Variants in CSGALNACT1 observed in about 807,000 individuals in gnomAD.
CSGALNACT1 encodes the protein beta4GalNAcT-1.
CSGALNACT1 carries 52 observed loss-of-function variants against 51.0 expected under a neutral mutation model. The observed-to-expected ratio is 1.02, with a 90% CI of 0.82 to 1.29. The LOEUF (loss-of-function observed/expected upper bound fraction) is 1.29. Among genes scored for constraint, CSGALNACT1 ranks in the 50% most tolerant of loss-of-function variants. CSGALNACT1 has a pLI of 0.00. For missense variants in CSGALNACT1, 935 were observed against 679.2 expected (o/e 1.38, Z -4.19); for synonymous variants, 341 against 254.4 (o/e 1.34, Z -3.24).
At chr8:19,505,778 C>T (rs150172244) in exon 4 of CSGALNACT1, 2 of 1,613,878 alleles carry the variant, frequency 1.2e-6, no homozygotes, top group African/African-American at 2.7e-5. Flanking sequence ...AGAGGAGCAC[C>T]AGCAAAACCA....
intron 4 of CSGALNACT1, among the ~76,000 whole-genome samples, chr8:19,486,230 C>G (rs2072900922): frequency 6.6e-6 from 1 of 152,082 alleles, no homozygotes; most frequent in East Asian, 1.9e-4. Context: ...TGGTGACAAG[C>G]CTCAATCACT....
intron 4 of CSGALNACT1, among the ~76,000 whole-genome samples, chr8:19,500,695 T>G (rs944479730): frequency 6.6e-6 from 1 of 152,222 alleles, no homozygotes; most frequent in Non-Finnish European, 1.5e-5. Context: ...GAGGTTGGCA[T>G]TGACTGTACA....
chr8:19,666,877 G>GA, intron 1 of CSGALNACT1, among the ~76,000 whole-genome samples: 1 of 125,858 alleles, frequency 7.9e-6, no homozygotes, highest in East Asian at 2.1e-4. Flanking sequence ...AAGAAAGAAA[G>GA]AAAGAAAGAG....
At position 19,577,224 on chromosome 8, in the gene CSGALNACT1, C is replaced by T. The variant is rs544329892; in HGVS notation, c.-297+13936G>A. Among the ~76,000 whole-genome samples the T allele has an allele frequency of 1.4e-4, 21 of 152,112 alleles. No homozygotes were observed. The South Asian group carries it at 3.1e-3, about 23-fold the overall frequency. On this transcript the variant is annotated intron_variant, in intron 3 of 9. Coordinates refer to ENST00000454498, the Ensembl canonical transcript of CSGALNACT1. ...AGAATTCATAATTTTGTTCTCCACG[C>T]GATACTAGCTCTACTGCTGGGGATG...
At chr8:19,728,569 T>A (rs764176903) in intron 1 of CSGALNACT1, among the ~76,000 whole-genome samples, 4 of 152,116 alleles carry the variant, frequency 2.6e-5, no homozygotes, top group Non-Finnish European at 5.9e-5. Context: ...ACAGACTTGT[T>A]CTAATCTGAG....
intron 3 of CSGALNACT1, chr8:19,587,826 T>A (rs1323712933): frequency 6.6e-6 from 1 of 152,282 alleles, no homozygotes; most frequent in Non-Finnish European, 1.5e-5. Context: ...TTTAAATTCT[T>A]AACACAAGTA....
chr8:19,680,579 C>CCA lies in CSGALNACT1; in HGVS notation c.-544+1893_-544+1894insTG, dbSNP rs71205942. Among the ~76,000 whole-genome samples, 38 of 104,768 alleles carry CCA rather than the reference C, an allele frequency of 3.6e-4. 2 individuals are homozygous for CCA. Among genetic ancestry groups the CCA allele is most frequent in the Non-Finnish European group, 7.7e-4 (36 of 46,864 alleles). The allele number at this position is 104,768 out of a possible 152,430, so 68.7% of individuals were successfully genotyped here. A position where few individuals can be genotyped will look rare whatever the true frequency, so the allele number is the denominator to read the frequency against. On this transcript the variant is annotated intron_variant, in intron 1 of 9. Transcript: ENST00000332246. ...CCCTCGCCCCACCCCCCCCCCCCCC[C>CCA]ACAAAAAAAGAGAATAGTGCAAATT...
At chr8:19,418,590 G>C (rs919924412) in intron 8 of CSGALNACT1, 66 bp downstream of exon 7, 1 of 1,047,580 alleles carries the variant, frequency 9.5e-7, no homozygotes, top group African/African-American at 1.6e-5. Context: ...CTCATGGTCA[G>C]GTACCCCTGG....
At chr8:19,502,588 C>T (rs1032800273) in intron 4 of CSGALNACT1, among the ~76,000 whole-genome samples, 2 of 152,196 alleles carry the variant, frequency 1.3e-5, no homozygotes, top group Non-Finnish European at 1.5e-5. Context: ...GTGGAGAACT[C>T]CTGTTTCTAA....
chr8:19,502,843 C>T (rs1465399137), intron 4 of CSGALNACT1, among the ~76,000 whole-genome samples: 3 of 152,106 alleles, frequency 2.0e-5, no homozygotes, highest in Admixed American at 2.0e-4. Context: ...TGAAAAGGTC[C>T]CCAAATGTAA....
At chr8:19,500,278 T>C (rs1367981002) in intron 4 of CSGALNACT1, among the ~76,000 whole-genome samples, 1 of 152,120 alleles carries the variant, frequency 6.6e-6, no homozygotes, top group African/African-American at 2.4e-5. Context: ...ACTCACACCC[T>C]GATGGCCTTT....
chr8:19,655,966 G>C (rs971713153), intron 1 of CSGALNACT1, among the ~76,000 whole-genome samples: 1 of 152,078 alleles, frequency 6.6e-6, no homozygotes, highest in African/African-American at 2.4e-5. Context: ...GGGGATTCAC[G>C]GGTGTCTTCT....
chr8:19,451,404 T>C (rs7011602), intron 5 of CSGALNACT1, among the ~76,000 whole-genome samples: 81,651 of 152,110 alleles, frequency 0.54, 22,405 homozygotes, highest in East Asian at 0.86. Context: ...TTATTAAACT[T>C]GTATTTTTTA....
intron 1 of CSGALNACT1, among the ~76,000 whole-genome samples, chr8:19,755,177 A>G (rs937023272): frequency 2.6e-5 from 4 of 152,162 alleles, no homozygotes; most frequent in Non-Finnish European, 1.5e-5. Context: ...CATGGCATTA[A>G]GAACAGAGCT....
intron 4 of CSGALNACT1, chr8:19,494,924 C>T (rs1273044785): frequency 6.6e-6 from 1 of 152,094 alleles, no homozygotes; most frequent in African/African-American, 2.4e-5. Context: ...AGGATTTAGG[C>T]AGCTATTTGC....
At position 19,654,358 on chromosome 8, in the gene CSGALNACT1, C is replaced by T. The variant is rs368220198; in HGVS notation, c.-544+28115G>A. Among the ~76,000 whole-genome samples, 5 of 152,194 alleles carry T rather than the reference C, an allele frequency of 3.3e-5. No homozygotes were observed. In the East Asian group the frequency reaches 5.8e-4, roughly 18 times the overall value. ...TCAATGTTTAACCTTTAATATCTGC[C>T]CAAATCCTACCATTAAGTCTGAATG... On this transcript the variant is annotated intron_variant, in intron 1 of 9. Coordinates refer to the CSGALNACT1 transcript ENST00000332246.
At chr8:19,548,415 T>C in intron 3 of CSGALNACT1, among the ~76,000 whole-genome samples, 1 of 152,310 alleles carries the variant, frequency 6.6e-6, no homozygotes, top group Admixed American at 6.5e-5. Context: ...TAGATTATTT[T>C]TCAATATATT....
intron 5 of CSGALNACT1, among the ~76,000 whole-genome samples, chr8:19,452,877 C>A (rs1296111670): frequency 6.6e-6 from 1 of 152,190 alleles, no homozygotes. Context: ...CTGCACAAAG[C>A]CCCTGGGGGT....
chr8:19,737,503 G>T (rs1239219648), intron 1 of CSGALNACT1, among the ~76,000 whole-genome samples: 3 of 151,948 alleles, frequency 2.0e-5, no homozygotes, highest in Admixed American at 6.6e-5. Context: ...TGTAGACTTT[G>T]TTAAGTTACA....
Sources: allele counts gnomAD v4.1 joint callset (sites outside exome capture counted in the v4.1 genomes callset), GRCh38; gene constraint gnomAD v4.1.1; transcripts MANE v1.5; gene names NCBI Gene and HGNC (gene_info 2026-07-23, HGNC 2026-07-21).